KLHL1: variants seen among roughly 807,000 people sequenced by gnomAD.
KLHL1 encodes the protein kelch-like protein 1.
In KLHL1, 47 loss-of-function variants were observed where a neutral mutation model predicts 77.7. That is an observed-to-expected ratio of 0.60 (90% CI 0.48 to 0.77). KLHL1 has a LOEUF of 0.77. KLHL1 is among the 30% of genes least tolerant of loss of function. The pLI, the probability that KLHL1 is intolerant of heterozygous loss-of-function variation, is 0.00. For missense variants in KLHL1, 925 were observed against 910.8 expected (o/e 1.02, Z -0.20); for synonymous variants, 360 against 325.2 (o/e 1.11, Z -1.15).
chr13:69,864,454 C>A lies in KLHL1; in HGVS notation c.1227+17829G>T, dbSNP rs148881791. On this transcript the variant is annotated intron_variant, in intron 5 of 10. Coordinates refer to ENST00000377844, the MANE Select transcript of KLHL1 (RefSeq NM_020866.3). ...ATCAAAACTCTGAAACTTAAATATG[C>A]CAAAATGATGAAATTTTAAAAGCCA... is the stretch of plus-strand genomic sequence containing the variant. Among the ~76,000 whole-genome samples, 80 of 151,772 alleles carry A rather than the reference C, an allele frequency of 5.3e-4. 3 individuals carry two copies. Among genetic ancestry groups the A allele is most frequent in the African/African-American group, 1.8e-3 (76 of 41,448 alleles).
chr13:69,782,837 T>G (rs9564611), intron 7 of KLHL1, among the ~76,000 whole-genome samples: 63,408 of 152,060 alleles, frequency 0.42, 13,633 homozygotes, highest in African/African-American at 0.52. Flanking sequence ...ACGCAGCTGG[T>G]GATCTGAGAA....
At position 69,959,326 on chromosome 13, in the gene KLHL1, G is replaced by C. The variant is rs1331137624; in HGVS notation, c.817+1982C>G. On this transcript the variant is annotated intron_variant, in intron 3 of 10. Transcript: ENST00000377844. Reference sequence around the variant, plus strand: ...TTAGATCTCTGTCTTTTAGTTGCTGGAAGGATTCCTAAAATGTTAGCTTCA... The same window carrying C: ...TTAGATCTCTGTCTTTTAGTTGCTGCAAGGATTCCTAAAATGTTAGCTTCA... Among the ~76,000 whole-genome samples the C allele has an allele frequency of 2.0e-5, 3 of 152,052 alleles. No individual in the cohort carries two copies. In the East Asian group the frequency reaches 5.8e-4, roughly 30 times the overall value.
At chr13:69,744,641 A>G (rs956173449) in intron 7 of KLHL1, among the ~76,000 whole-genome samples, 2 of 151,756 alleles carry the variant, frequency 1.3e-5, no homozygotes, top group Non-Finnish European at 2.9e-5. Context: ...CCTCTCATGC[A>G]ACTTCCCGAA....
intron 1 of KLHL1, among the ~76,000 whole-genome samples, chr13:70,016,704 T>C (rs1221252519): frequency 1.3e-5 from 2 of 152,064 alleles, no homozygotes; most frequent in Admixed American, 6.5e-5. Context: ...GGATGACCTA[T>C]TGATGGAAGC....
chr13:69,802,856 AG>A (rs1238878208), intron 6 of KLHL1: 1 of 152,046 alleles, frequency 6.6e-6, no homozygotes, highest in Non-Finnish European at 1.5e-5. Flanking sequence ...TCGGTGTCTG[AG>A]GGGTTTTGTC....
chr13:70,005,175 AAAAT>A lies in KLHL1; in HGVS notation c.498-29377_498-29374del, dbSNP rs377341436. Among the ~76,000 whole-genome samples, 327 of 152,084 alleles carry A rather than the reference AAAAT, an allele frequency of 2.2e-3. 1 individual carries two copies. The highest frequency in any genetic ancestry group is 3.4e-3 in the Non-Finnish European group (228 of 67,934). On this transcript the variant is annotated intron_variant, in intron 1 of 10. Transcript: ENST00000377844. ...TAAATTATGTGGTTACCAAAGAGAG[AAAAT>A]AAACATTTATATCTAAAATGAATAA... is the stretch of plus-strand genomic sequence containing the variant.
chr13:70,078,581 C>T (rs1887317284), intron 1 of KLHL1, among the ~76,000 whole-genome samples: 1 of 152,004 alleles, frequency 6.6e-6, no homozygotes, highest in African/African-American at 2.4e-5. Context: ...TTTGAAAAGC[C>T]ACTAATAAGA....
chr13:69,829,091 C>T (rs1452644196), intron 6 of KLHL1, among the ~76,000 whole-genome samples: 1 of 150,614 alleles, frequency 6.6e-6, no homozygotes, highest in Non-Finnish European at 1.5e-5. Flanking sequence ...CTGATGCTCT[C>T]TTGAAAGTTC....
intron 1 of KLHL1, among the ~76,000 whole-genome samples, chr13:70,033,090 C>G (rs1165124674): frequency 6.6e-6 from 1 of 151,964 alleles, no homozygotes; most frequent in East Asian, 1.9e-4. Context: ...TATCTTTTTC[C>G]CCCTGAAATA....
chr13:69,859,483 G>T (rs528001088), intron 5 of KLHL1, among the ~76,000 whole-genome samples: 112 of 152,062 alleles, frequency 7.4e-4, no homozygotes, highest in Middle Eastern at 6.8e-3. Flanking sequence ...TAGGGCAGAC[G>T]CTGTGACAGC....
In KLHL1 at chr13:69,752,773, G is replaced by A. The variant is rs559325885; in HGVS notation, c.1640-12217C>T. On this transcript the variant is annotated intron_variant, in intron 7 of 10. Coordinates refer to ENST00000377844, the MANE Select transcript of KLHL1 (RefSeq NM_020866.3). ...TTTAAGTGAAAGGAATCACTTGAGC[G>A]GAACATAGAAAAAAACTCAGGCTAT... is the stretch of plus-strand genomic sequence containing the variant. Among the ~76,000 whole-genome samples the A allele has an allele frequency of 4.1e-4, 62 of 152,174 alleles. 1 individual carries two copies. The highest frequency in any genetic ancestry group is 2.1e-3 in the Admixed American group (32 of 15,268).
intron 3 of KLHL1, among the ~76,000 whole-genome samples, chr13:69,955,327 T>C (rs1236100163): frequency 6.6e-6 from 1 of 151,322 alleles, no homozygotes; most frequent in Non-Finnish European, 1.5e-5. Flanking sequence ...GAAGCTATCT[T>C]AACATTTCTT....
intron 8 of KLHL1, among the ~76,000 whole-genome samples, chr13:69,736,409 T>G (rs1873763886): frequency 6.6e-6 from 1 of 152,170 alleles, no homozygotes; most frequent in African/African-American, 2.4e-5. Flanking sequence ...GGCATGGATG[T>G]GGTGAAAAGG....
At chr13:69,888,166 T>G (rs1384626074) in intron 4 of KLHL1, among the ~76,000 whole-genome samples, 2 of 152,106 alleles carry the variant, frequency 1.3e-5, no homozygotes, top group Admixed American at 6.6e-5. Flanking sequence ...CAAACAAGCT[T>G]CTTCTGGCCT....
At chr13:69,944,260 T>G (rs374269390) in intron 3 of KLHL1, among the ~76,000 whole-genome samples, 26 of 152,188 alleles carry the variant, frequency 1.7e-4, no homozygotes, top group African/African-American at 6.0e-4. Flanking sequence ...CTCCAGGCAC[T>G]GAATCTCTAG....
intron 5 of KLHL1, among the ~76,000 whole-genome samples, chr13:69,858,543 TTGAAA>T (rs1253588142): frequency 6.6e-6 from 1 of 152,120 alleles, no homozygotes; most frequent in African/African-American, 2.4e-5. Flanking sequence ...TAATTAGTTG[TTGAAA>T]TGAACATTTA....
intron 1 of KLHL1, among the ~76,000 whole-genome samples, chr13:70,071,342 G>A (rs1887133514): frequency 6.6e-6 from 1 of 152,002 alleles, no homozygotes; most frequent in Non-Finnish European, 1.5e-5. Flanking sequence ...GTACCTAGCA[G>A]CAGTGTCAAA....
chr13:69,702,427 C>T (rs373961087), intron 10 of KLHL1, among the ~76,000 whole-genome samples: 1 of 151,468 alleles, frequency 6.6e-6, no homozygotes, highest in East Asian at 1.9e-4. Flanking sequence ...TGGAGACAAG[C>T]CAACATTTTG....
At chr13:69,851,707 T>C (rs1270010232) in intron 5 of KLHL1, among the ~76,000 whole-genome samples, 1 of 151,866 alleles carries the variant, frequency 6.6e-6, no homozygotes, top group Admixed American at 6.6e-5. Flanking sequence ...TGCTCCTATG[T>C]CCCTGTTCTC....
Sources: gnomAD v4.1 joint callset for allele counts (sites outside exome capture counted in the v4.1 genomes callset) on GRCh38, gnomAD v4.1.1 for gene constraint, MANE v1.5 for transcripts, NCBI Gene and HGNC (gene_info 2026-07-23, HGNC 2026-07-21) for gene names.